CD109: variants seen among roughly 807,000 people sequenced by gnomAD.
The protein encoded by CD109 is CD109 antigen.
CD109 carries 149 observed loss-of-function variants against 165.8 expected under a neutral mutation model. That is an observed-to-expected ratio of 0.90 (90% CI 0.79 to 1.03). The LOEUF is 1.03. Ranked by LOEUF, CD109 falls within the 50% of genes least tolerant of loss-of-function variation. The probability of loss-of-function intolerance (pLI) is 0.00; values close to 1 mark genes in which losing one functional copy is unlikely to be tolerated. For missense variants in CD109, 1,712 were observed against 1,677.8 expected (o/e 1.02, Z -0.36); for synonymous variants, 585 against 592.1 (o/e 0.99, Z 0.18).
chr6:73,785,966 T>A (rs1478922705), intron 20 of CD109, among the ~76,000 whole-genome samples: 2 of 151,378 alleles, frequency 1.3e-5, no homozygotes, highest in Admixed American at 1.3e-4. Context: ...TGCCTCAGCC[T>A]CCGAGTAGCT....
chr6:73,728,786 G>A lies in CD109; in HGVS notation c.277-1558G>A, dbSNP rs185802677. On this transcript the variant is annotated intron_variant, in intron 3 of 32. Coordinates refer to ENST00000287097, the MANE Select transcript of CD109 (RefSeq NM_133493.5). ...CAAAAATGAGTCAGGATATAGTTTC[G>A]GGACCTCAGTTTTAATATGAAAATC... 6.6e-5 allele frequency among the ~76,000 whole-genome samples: 10 copies of A among 152,198 alleles called. No homozygotes were observed. The East Asian group carries it at 1.5e-3, about 23-fold the overall frequency.
At position 73,827,115 on chromosome 6, in the gene CD109, G is replaced by C. The variant is rs894660470; in HGVS notation, c.*3482G>C. On this transcript the variant is annotated 3_prime_UTR_variant, in exon 33 of 33. Coordinates refer to ENST00000287097, the MANE Select transcript of CD109 (RefSeq NM_133493.5). ...TTCTTTTCACAACCTTACTTTTTCTGATTTGCTTTATTGAATGATTGAATA... is the reference window on the plus strand; with the variant it reads ...TTCTTTTCACAACCTTACTTTTTCTCATTTGCTTTATTGAATGATTGAATA... 6.6e-6 allele frequency: 1 copy of C among 152,034 alleles called. No homozygotes were observed. Among genetic ancestry groups the C allele is most frequent in the Non-Finnish European group, 1.5e-5 (1 of 67,984 alleles). The allele number at this position is 152,034 out of a possible 1,614,324, so 9.4% of individuals were successfully genotyped here.
At chr6:73,730,044 A>G (rs1346628189) in intron 3 of CD109, among the ~76,000 whole-genome samples, 3 of 152,148 alleles carry the variant, frequency 2.0e-5, no homozygotes, top group Non-Finnish European at 4.4e-5. Context: ...ACCTGCAATA[A>G]CTGTTAGGGA....
At chr6:73,716,040 T>A (rs1450312324) in intron 2 of CD109, among the ~76,000 whole-genome samples, 1 of 152,254 alleles carries the variant, frequency 6.6e-6, no homozygotes, top group Non-Finnish European at 1.5e-5. Context: ...TTTGTCTTTC[T>A]GTGTTTGGGT....
At chr6:73,738,958 C>A (rs1228765527) in intron 5 of CD109, among the ~76,000 whole-genome samples, 2 of 152,198 alleles carry the variant, frequency 1.3e-5, no homozygotes, top group Non-Finnish European at 2.9e-5. Context: ...TTAATTCATT[C>A]ATCTCACTTT....
At chr6:73,694,992 G>GA (rs1770770264), upstream of CD109, 1 of 152,266 alleles carries the variant, frequency 6.6e-6, no homozygotes, top group Non-Finnish European at 1.5e-5. Flanking sequence ...GGTGGAACAG[G>GA]AAAGGGAGGA....
chr6:73,698,995 C>G (rs1582026069), intron 2 of CD109, among the ~76,000 whole-genome samples: 1 of 152,140 alleles, frequency 6.6e-6, no homozygotes, highest in Non-Finnish European at 1.5e-5. Flanking sequence ...ACAACAATTG[C>G]TAATATTATT....
rs762608750 is a variant in CD109, at chr6:73,762,337, A to G, written c.759-47A>G. The stretch of plus-strand genomic sequence containing the variant: ...AAAGTAGTATTTTTATTGTGTTCTG[A>G]CAATATCAAGTTGATACATAAAAAG... On this transcript the variant is annotated intron_variant, in intron 7 of 32. Transcript: ENST00000287097. The G allele has an allele frequency of 7.8e-6, 9 of 1,150,102 alleles. No individual in the cohort carries two copies. The Admixed American group carries it at 1.3e-4, about 17-fold the overall frequency. The allele number at this position is 1,150,102 out of a possible 1,614,324, so 71.2% of individuals were successfully genotyped here.
chr6:73,805,451 G>A (rs760866117), intron 24 of CD109, among the ~76,000 whole-genome samples: 7 of 152,180 alleles, frequency 4.6e-5, no homozygotes, highest in Non-Finnish European at 7.3e-5. Flanking sequence ...ACATACAATC[G>A]GATTTTATAC....
At chr6:73,681,974 A>T in the CD109 span, among the ~76,000 whole-genome samples, 111 of 152,108 alleles carry the variant, frequency 7.3e-4, no homozygotes, top group African/African-American at 2.6e-3. Context: ...CATGGGAAAG[A>T]TCCCCCCTGC....
chr6:73,786,685 G>A (rs975017176), intron 20 of CD109, among the ~76,000 whole-genome samples: 1 of 152,026 alleles, frequency 6.6e-6, no homozygotes, highest in Non-Finnish European at 1.5e-5. Context: ...AAAATTTAAG[G>A]CCTAGATAAA....
At chr6:73,710,814 A>T (rs7739291) in intron 2 of CD109, among the ~76,000 whole-genome samples, 2 of 152,030 alleles carry the variant, frequency 1.3e-5, no homozygotes, top group Non-Finnish European at 1.5e-5. Context: ...GATGTTAAGC[A>T]TGTAGGTTTT....
At chr6:73,815,558 A>T (rs76622108) in intron 30 of CD109, among the ~76,000 whole-genome samples, 20 of 152,272 alleles carry the variant, frequency 1.3e-4, no homozygotes, top group African/African-American at 4.6e-4. Flanking sequence ...TTCAATCAAG[A>T]GGATAGTTTT....
At chr6:73,739,710 T>A (rs1249062886) in intron 5 of CD109, among the ~76,000 whole-genome samples, 1 of 151,792 alleles carries the variant, frequency 6.6e-6, no homozygotes, top group Admixed American at 6.6e-5. Flanking sequence ...TAGCTGGGTG[T>A]GGTGGCGGGC....
intron 23 of CD109, among the ~76,000 whole-genome samples, chr6:73,802,305 A>ATATATATATATTTTT (rs1554183463): frequency 6.3e-5 from 3 of 47,606 alleles, no homozygotes; most frequent in African/African-American, 2.6e-4. Context: ...ATATATATAT[A>ATATATATATATTTTT]TTTTTTTTTT....
In CD109 at chr6:73,791,190, T is replaced by TATATATATATAC. The variant is rs1352766740; in HGVS notation, c.2702-1435_2702-1434insTATATATATACA. Among the ~76,000 whole-genome samples the TATATATATATAC allele has an allele frequency of 3.0e-4, 4 of 13,534 alleles. No individual in the cohort carries two copies. In the East Asian group the frequency reaches 7.0e-3, roughly 24 times the overall value. The allele number at this position is 13,534 out of a possible 152,430, so 8.9% of individuals were successfully genotyped here. ...ATATATATATATACACACACACACA[T>TATATATATATAC]ACATATATATATATATATATATATA... is the stretch of plus-strand genomic sequence containing the variant. On this transcript the variant is annotated intron_variant, in intron 22 of 32. Transcript: ENST00000287097.
chr6:73,782,894 TGA>T, intron 18 of CD109, 139 bp downstream of exon 18: 2 of 679,516 alleles, frequency 2.9e-6, no homozygotes, highest in Non-Finnish European at 4.6e-6. Flanking sequence ...TTTTAGGAAA[TGA>T]TATTTATTGA....
At chr6:73,687,852 C>A in the CD109 span, among the ~76,000 whole-genome samples, 1 of 152,122 alleles carries the variant, frequency 6.6e-6, no homozygotes, top group Non-Finnish European at 1.5e-5. Flanking sequence ...GACTACTGTT[C>A]CAAGGAAAAG....
At chr6:73,745,973 G>A (rs970253015) in intron 5 of CD109, among the ~76,000 whole-genome samples, 5 of 152,164 alleles carry the variant, frequency 3.3e-5, no homozygotes, top group Non-Finnish European at 5.9e-5. Context: ...CAAGTGATCC[G>A]CCTGCCTCTG....
Sources: gnomAD v4.1 joint callset for allele counts (sites outside exome capture counted in the v4.1 genomes callset) on GRCh38, gnomAD v4.1.1 for gene constraint, MANE v1.5 for transcripts, NCBI Gene and HGNC (gene_info 2026-07-23, HGNC 2026-07-21) for gene names.